The following TRIM66 variants were observed in gnomAD, a reference collection of about 807,000 sequenced individuals.
TRIM66 encodes tripartite motif-containing protein 66.
In TRIM66, 99 loss-of-function variants were observed where a neutral mutation model predicts 148.2. The observed-to-expected ratio is 0.67, with a 90% CI of 0.57 to 0.79. TRIM66 has a LOEUF of 0.79. Among genes scored for constraint, TRIM66 ranks in the 30% least tolerant of loss-of-function variants. The pLI, the probability that TRIM66 is intolerant of heterozygous loss-of-function variation, is 0.00. For synonymous variants in TRIM66, 616 were observed against 635.9 expected, an observed-to-expected ratio of 0.97 and a Z score of 0.47; for missense variants, 1,666 against 1,697.9, an observed-to-expected ratio of 0.98 and a Z score of 0.33.
chr11:8,665,995 G>A (rs1006326117), intron 6 of TRIM66, among the ~76,000 whole-genome samples: 2 of 151,794 alleles, frequency 1.3e-5, no homozygotes, highest in South Asian at 2.1e-4. Context: ...ACCCATAAAC[G>A]TAAATGTGGA....
intron 6 of TRIM66, among the ~76,000 whole-genome samples, chr11:8,657,250 T>A (rs2037907416): frequency 6.6e-6 from 1 of 152,140 alleles, no homozygotes; most frequent in Non-Finnish European, 1.5e-5. Flanking sequence ...TGCTAAGCAA[T>A]CCTCTGAGGG....
chr11:8,675,990 GC>G (rs2039160631), intron 3 of TRIM66, among the ~76,000 whole-genome samples: 1 of 152,200 alleles, frequency 6.6e-6, no homozygotes, highest in Admixed American at 6.5e-5. Flanking sequence ...ACCCGCCTCA[GC>G]TTCCCAAAGA....
Position 8,682,491 on chromosome 11 carries a change from C to T in TRIM66, c.-548+110G>A, listed in dbSNP as rs76178622. ...GGCTTAGGCGGTTCCCTGACCAAGG[C>T]GCCAGAAAAGGGCCTGGCTCAAGCA... On this transcript the variant is annotated intron_variant, in intron 1 of 24. Coordinates refer to ENST00000646038, the MANE Select transcript of TRIM66 (RefSeq NM_001388022.1). 3,961 of 456,136 alleles carry T rather than the reference C, an allele frequency of 8.7e-3. 119 individuals carry two copies. The highest frequency in any genetic ancestry group is 0.072 in the African/African-American group (3,428 of 47,788). The allele number at this position is 456,136 out of a possible 1,614,324, so 28.3% of individuals were successfully genotyped here. A position where few individuals can be genotyped will look rare whatever the true frequency, so the allele number is the denominator to read the frequency against.
chr11:8,638,911 C>G (rs1026984580), intron 14 of TRIM66, 96 bp from the exon 15 acceptor site: 1 of 1,287,034 alleles, frequency 7.8e-7, no homozygotes, highest in African/African-American at 1.5e-5. Flanking sequence ...CTGCCATGTG[C>G]ATCATCACCA....
chr11:8,642,758 T>G (rs1029450078), intron 13 of TRIM66, among the ~76,000 whole-genome samples: 1 of 142,088 alleles, frequency 7.0e-6, no homozygotes, highest in Admixed American at 7.9e-5. Flanking sequence ...TTACACAGAA[T>G]GGTAAACTCA....
intron 15 of TRIM66, among the ~76,000 whole-genome samples, chr11:8,638,168 T>C (rs2036053370): frequency 6.6e-6 from 1 of 152,178 alleles, no homozygotes; most frequent in East Asian, 1.9e-4. Context: ...CAAAAAATAT[T>C]TTCCCCATCT....
chr11:8,646,299 A>T, intron 11 of TRIM66, 148 bp downstream of exon 11: 1 of 683,656 alleles, frequency 1.5e-6, no homozygotes, highest in Middle Eastern at 3.5e-4. Flanking sequence ...TCCCAAAATT[A>T]GGCTGACATT....
chr11:8,637,390 G>A (rs1351341708), intron 15 of TRIM66, among the ~76,000 whole-genome samples: 15 of 151,942 alleles, frequency 9.9e-5, no homozygotes, highest in Admixed American at 9.8e-4. Flanking sequence ...GAATGGTTAG[G>A]TGGCTGGCCC....
chr11:8,678,010 AC>A (rs1592221634), intron 3 of TRIM66: 1 of 152,240 alleles, frequency 6.6e-6, no homozygotes, highest in East Asian at 1.9e-4. Flanking sequence ...GCAAACAAAA[AC>A]CCCCAAGGCT....
At position 8,618,008 on chromosome 11, in the gene TRIM66, A is replaced by G. The variant is rs1468708598; in HGVS notation, c.4120-5T>C. 1 of 1,551,438 alleles carries G rather than the reference A, an allele frequency of 6.4e-7. No individual in the cohort carries two copies. The highest frequency in any genetic ancestry group is 1.4e-5 in the African/African-American group (1 of 73,064). ...TCTTTTTGCTCTTTCATTCTCCTGA[A>G]AGAAAAATATATATTTGGAATTAAA... On this transcript the variant is annotated splice_region_variant and splice_polypyrimidine_tract_variant and intron_variant, in intron 24 of 24. Coordinates refer to ENST00000646038, the MANE Select transcript of TRIM66 (RefSeq NM_001388022.1).
chr11:8,647,021 CA>C (rs1274147154), intron 10 of TRIM66, among the ~76,000 whole-genome samples: 1 of 148,744 alleles, frequency 6.7e-6, no homozygotes, highest in Non-Finnish European at 1.5e-5. Context: ...GGCATAATAA[CA>C]TATTATATAA....
intron 17 of TRIM66, 91 bp from the exon 18 acceptor site, chr11:8,622,967 C>T (rs2034446673): frequency 8.8e-7 from 1 of 1,139,546 alleles, no homozygotes; most frequent in Non-Finnish European, 1.3e-6. Flanking sequence ...GCTATTCATA[C>T]CTTTGGCCAC....
chr11:8,676,687 G>C (rs557924736), intron 3 of TRIM66, among the ~76,000 whole-genome samples: 1 of 152,136 alleles, frequency 6.6e-6, no homozygotes, highest in African/African-American at 2.4e-5. Context: ...GAAGACGAAG[G>C]GTCAAATGAC....
intron 3 of TRIM66, among the ~76,000 whole-genome samples, chr11:8,677,391 C>T (rs190095949): frequency 7.9e-5 from 12 of 152,220 alleles, no homozygotes; most frequent in Middle Eastern, 3.4e-3. Context: ...ATTTATAAAA[C>T]GAATGAATGA....
chr11:8,620,329 T>A, intron 21 of TRIM66, 117 bp downstream of exon 21: 5 of 1,466,026 alleles, frequency 3.4e-6, no homozygotes, highest in Non-Finnish European at 4.6e-6. Context: ...TTGTCAGGCA[T>A]AGGACGAAGA....
chr11:8,638,814 G>A lies in TRIM66; in HGVS notation c.2150C>T (p.Ala717Val). ...QSQSQEETLQATDEPPASQGS... is the reference protein window; with the variant it reads ...QSQSQEETLQVTDEPPASQGS... ...CTGAGATGCTGGGGGCTCATCTGTA[G>A]CCTGGAGAAGAAAATAAGAACTTGG... The change falls in exon 15 of 25, where the codon GCT becomes GTT. Residue 717 changes from alanine to valine, a missense_variant and splice_region_variant. Physicochemically the swap from Ala to Val is moderately conservative, Grantham distance 64 (BLOSUM62 0). Transcript: ENST00000646038. The A allele has an allele frequency of 3.9e-6, 6 of 1,550,354 alleles. No individual in the cohort carries two copies. Among genetic ancestry groups the A allele is most frequent in the Non-Finnish European group, 5.2e-6 (6 of 1,146,692 alleles).
chr11:8,643,222 T>A, intron 12 of TRIM66, 96 bp from the exon 13 acceptor site: 1 of 1,012,596 alleles, frequency 9.9e-7, no homozygotes, highest in Non-Finnish European at 1.4e-6. Context: ...AGGCTCAAAG[T>A]CATGGCCCTT....
intron 15 of TRIM66, among the ~76,000 whole-genome samples, chr11:8,635,365 C>A (rs1025323413): frequency 6.6e-6 from 1 of 152,172 alleles, no homozygotes; most frequent in Non-Finnish European, 1.5e-5. Context: ...TAGAACGATA[C>A]TATACAAAGT....
At chr11:8,635,296 A>G (rs1247939464) in intron 15 of TRIM66, among the ~76,000 whole-genome samples, 1 of 152,180 alleles carries the variant, frequency 6.6e-6, no homozygotes. Context: ...GCTTCCTCAT[A>G]GTATTGCTAG....
Sources: allele counts gnomAD v4.1 joint callset (sites outside exome capture counted in the v4.1 genomes callset), GRCh38; gene constraint gnomAD v4.1.1; transcripts MANE v1.5; gene names NCBI Gene and HGNC (gene_info 2026-07-23, HGNC 2026-07-21).